AKAP7: variants seen among roughly 807,000 people sequenced by gnomAD.
AKAP7 encodes A kinase (PRKA) anchor protein 7.
Under a neutral mutation model 39.5 loss-of-function variants are expected in AKAP7, and 39 were observed. The ratio of observed to expected loss-of-function variants is 0.99; its 90% CI spans 0.76 to 1.29. The LOEUF is 1.29. AKAP7 is among the 50% of genes most tolerant of loss of function. The pLI is 0.00. For missense variants in AKAP7, 414 were observed against 407.7 expected (o/e 1.02, Z -0.13); for synonymous variants, 140 against 139.1 (o/e 1.01, Z -0.05).
chr6:131,249,094 A>G (rs1030600355), intron 7 of AKAP7, among the ~76,000 whole-genome samples: 2 of 152,222 alleles, frequency 1.3e-5, no homozygotes, highest in African/African-American at 4.8e-5. Flanking sequence ...TTCTCTAAAC[A>G]TTAATTTTAA....
intron 5 of AKAP7, among the ~76,000 whole-genome samples, chr6:131,192,452 T>G (rs1806506682): frequency 6.6e-6 from 1 of 152,246 alleles, no homozygotes; most frequent in African/African-American, 2.4e-5. Flanking sequence ...TCTATATGTC[T>G]GTTTTTATGC....
At chr6:131,167,179 C>G (rs748359280) in intron 4 of AKAP7, among the ~76,000 whole-genome samples, 13 of 152,134 alleles carry the variant, frequency 8.5e-5, no homozygotes, top group South Asian at 2.1e-4. Flanking sequence ...CTTAAAGAAG[C>G]CTTTTCATAA....
At chr6:131,230,667 G>A (rs1458641687) in intron 7 of AKAP7, among the ~76,000 whole-genome samples, 1 of 152,120 alleles carries the variant, frequency 6.6e-6, no homozygotes, top group Non-Finnish European at 1.5e-5. Flanking sequence ...CAAGGCCAAT[G>A]TTGAGAAGGA....
chr6:131,229,893 T>C (rs967299088), intron 7 of AKAP7, among the ~76,000 whole-genome samples: 3 of 152,170 alleles, frequency 2.0e-5, no homozygotes, highest in South Asian at 4.1e-4. Context: ...ATTAATGTGT[T>C]TTTAATTGTT....
chr6:131,279,855 C>T (rs1815064660), intron 7 of AKAP7, among the ~76,000 whole-genome samples: 1 of 152,166 alleles, frequency 6.6e-6, no homozygotes, highest in Admixed American at 6.5e-5. Flanking sequence ...AGTATTCCTT[C>T]ATTTGCAGTT....
intron 5 of AKAP7, among the ~76,000 whole-genome samples, chr6:131,172,397 T>G (rs1804158727): frequency 6.6e-6 from 1 of 152,176 alleles, no homozygotes; most frequent in African/African-American, 2.4e-5. Flanking sequence ...TCACCCAGGC[T>G]GGAGTGCAGT....
chr6:131,253,220 T>A (rs1020889198), intron 7 of AKAP7: 3 of 949,990 alleles, frequency 3.2e-6, no homozygotes, highest in Middle Eastern at 2.2e-4. Flanking sequence ...AGTGCTACTG[T>A]TTTAGTCTAT....
At chr6:131,279,878 TTTAA>T (rs1456017698) in intron 7 of AKAP7, among the ~76,000 whole-genome samples, 1 of 152,216 alleles carries the variant, frequency 6.6e-6, no homozygotes, top group Non-Finnish European at 1.5e-5. Context: ...ATTTTTCCCT[TTTAA>T]ATGGGAAGAG....
intron 7 of AKAP7, among the ~76,000 whole-genome samples, chr6:131,241,016 G>A (rs979571479): frequency 2.6e-5 from 4 of 152,190 alleles, no homozygotes; most frequent in African/African-American, 9.7e-5. Context: ...CGTCGCTCAC[G>A]CTGGGAGCTG....
intron 7 of AKAP7, among the ~76,000 whole-genome samples, chr6:131,260,029 T>TGTAA (rs1387426661): frequency 2.6e-5 from 4 of 152,094 alleles, no homozygotes; most frequent in African/African-American, 9.7e-5. Context: ...AGCCCCTACT[T>TGTAA]GTAAGTGAGA....
chr6:131,255,274 A>ATGTT (rs1312525081), intron 7 of AKAP7, among the ~76,000 whole-genome samples: 2 of 152,186 alleles, frequency 1.3e-5, no homozygotes, highest in Admixed American at 1.3e-4. Context: ...CATGTTCTAA[A>ATGTT]TGTTTGTCGA....
At chr6:131,160,704 T>G (rs1802860122) in intron 3 of AKAP7, among the ~76,000 whole-genome samples, 1 of 152,240 alleles carries the variant, frequency 6.6e-6, no homozygotes, top group Non-Finnish European at 1.5e-5. Flanking sequence ...TTCTTGCTGC[T>G]TAATCTTGTT....
chr6:131,243,025 G>T (rs550630086), intron 7 of AKAP7, among the ~76,000 whole-genome samples: 38 of 152,198 alleles, frequency 2.5e-4, no homozygotes, highest in Admixed American at 1.8e-3. Context: ...CCAAGTGTTG[G>T]GTGTACATGT....
chr6:131,185,022 A>G lies in AKAP7; in HGVS notation c.590-14439A>G. The stretch of plus-strand genomic sequence containing the variant: ...ATCCAGGAAGTCATCTGGTTCTAGG[A>G]TCCGCTTTCGTGCTTGACTGTTTGT... On this transcript the variant is annotated intron_variant, in intron 5 of 7. Transcript: ENST00000431975. 1.6e-5 allele frequency: 12 copies of G among 752,098 alleles called. 1 individual carries two copies. The highest frequency in any genetic ancestry group is 3.0e-5 in the Non-Finnish European group (12 of 401,588). 46.6% of individuals were successfully genotyped at this position (752,098 alleles called of 1,614,324 possible).
At chr6:131,185,127 A>G in intron 5 of AKAP7, 1 of 620,388 alleles carries the variant, frequency 1.6e-6, no homozygotes, top group Non-Finnish European at 3.1e-6. Flanking sequence ...AGTGTGCAAC[A>G]GAACCTCTAA....
intron 2 of AKAP7, among the ~76,000 whole-genome samples, chr6:131,156,739 T>G (rs759069713): frequency 6.6e-6 from 1 of 151,328 alleles, no homozygotes; most frequent in African/African-American, 2.4e-5. Flanking sequence ...GTAAAAACAA[T>G]GGAGAGTTTA....
chr6:131,224,937 A>C (rs1810038630), intron 7 of AKAP7, among the ~76,000 whole-genome samples: 1 of 151,146 alleles, frequency 6.6e-6, no homozygotes, highest in Admixed American at 6.6e-5. Context: ...TAATATTTTT[A>C]GTAGAGACAG....
At chr6:131,147,456 G>A (rs1324684116) in intron 2 of AKAP7, among the ~76,000 whole-genome samples, 1 of 152,190 alleles carries the variant, frequency 6.6e-6, no homozygotes, top group East Asian at 1.9e-4. Context: ...CTTTACAACT[G>A]CCCCGTAGAG....
At chr6:131,167,466 C>G (rs1212250399) in intron 4 of AKAP7, among the ~76,000 whole-genome samples, 2 of 152,120 alleles carry the variant, frequency 1.3e-5, no homozygotes, top group East Asian at 1.9e-4. Flanking sequence ...CTTGAATTCC[C>G]CCAACTTATA....
Sources: gnomAD v4.1 joint callset for allele counts (sites outside exome capture counted in the v4.1 genomes callset) on GRCh38, gnomAD v4.1.1 for gene constraint, MANE v1.5 for transcripts, NCBI Gene and HGNC (gene_info 2026-07-23, HGNC 2026-07-21) for gene names.